Variants in WWOX observed in about 807,000 individuals in gnomAD.
The protein encoded by WWOX is WW domain-containing oxidoreductase.
A neutral mutation model predicts 46.2 loss-of-function variants in WWOX; 69 were observed. The observed-to-expected ratio is 1.49, with a 90% CI of 1.23 to 1.82. WWOX has a LOEUF of 1.82. WWOX is among the 40% of genes most tolerant of loss of function. WWOX has a pLI of 0.00. For synonymous variants in WWOX, 359 were observed against 202.6 expected (o/e 1.77, Z -6.56); for missense variants, 919 against 542.6 (o/e 1.69, Z -6.89).
At chr16:78,795,247 A>G (rs9927025) in intron 8 of WWOX, among the ~76,000 whole-genome samples, 1 of 152,076 alleles carries the variant, frequency 6.6e-6, no homozygotes, top group Middle Eastern at 3.2e-3. Flanking sequence ...CTCTTTCTAC[A>G]TGTAAGGAAA....
intron 5 of WWOX, among the ~76,000 whole-genome samples, chr16:78,284,420 G>A (rs1597443789): frequency 6.6e-6 from 1 of 152,224 alleles, no homozygotes; most frequent in East Asian, 1.9e-4. Flanking sequence ...GAAGTGGCAA[G>A]AGTTATCTTT....
chr16:78,558,673 G>C (rs1329112726), intron 8 of WWOX, among the ~76,000 whole-genome samples: 1 of 152,194 alleles, frequency 6.6e-6, no homozygotes, highest in African/African-American at 2.4e-5. Context: ...AGGTCTCCCT[G>C]ATTCCAGCCT....
intron 8 of WWOX, among the ~76,000 whole-genome samples, chr16:78,869,421 C>G (rs2044078040): frequency 6.6e-6 from 1 of 152,180 alleles, no homozygotes; most frequent in African/African-American, 2.4e-5. Flanking sequence ...TTGGCAATTG[C>G]CTGGACTACA....
intron 5 of WWOX, among the ~76,000 whole-genome samples, chr16:78,293,022 G>A (rs1156511547): frequency 6.6e-6 from 1 of 152,170 alleles, no homozygotes; most frequent in Non-Finnish European, 1.5e-5. Flanking sequence ...TTTGCTCTTG[G>A]AGCATTCTTG....
intron 8 of WWOX, among the ~76,000 whole-genome samples, chr16:78,614,200 C>G (rs1033717042): frequency 4.6e-5 from 7 of 152,188 alleles, no homozygotes; most frequent in Admixed American, 1.3e-4. Flanking sequence ...CTTTTGCCAT[C>G]AAATGGTTAT....
intron 5 of WWOX, among the ~76,000 whole-genome samples, chr16:78,313,319 G>A (rs4887952): frequency 0.24 from 36,680 of 152,150 alleles, 4,796 homozygotes; most frequent in East Asian, 0.34. Context: ...TAGAACGTCT[G>A]AACAGTGCTG....
chr16:78,612,648 T>A (rs2045928240), intron 8 of WWOX, among the ~76,000 whole-genome samples: 2 of 152,132 alleles, frequency 1.3e-5, no homozygotes, highest in Non-Finnish European at 2.9e-5. Context: ...TTTTTAATTT[T>A]AGTTTCTGTA....
chr16:78,937,457 T>TTTTC (rs1403460490), intron 8 of WWOX, among the ~76,000 whole-genome samples: 1 of 143,458 alleles, frequency 7.0e-6, no homozygotes, highest in Non-Finnish European at 1.5e-5. Flanking sequence ...ACTTTTTTTT[T>TTTTC]TTTTTTTTTT....
intron 8 of WWOX, among the ~76,000 whole-genome samples, chr16:78,767,423 C>T (rs572331493): frequency 6.6e-6 from 1 of 151,980 alleles, no homozygotes; most frequent in African/African-American, 2.4e-5. Flanking sequence ...CGCCACCACA[C>T]CTGCCACAAA....
At chr16:78,314,688 G>GTTTTTTTTT (rs375905643) in intron 5 of WWOX, among the ~76,000 whole-genome samples, 16 of 90,462 alleles carry the variant, frequency 1.8e-4, no homozygotes, top group East Asian at 1.2e-3. Context: ...CCCTGCAGGG[G>GTTTTTTTTT]TTTTTTTTTT....
intron 8 of WWOX, among the ~76,000 whole-genome samples, chr16:79,005,415 C>T (rs1342714080): frequency 2.0e-5 from 3 of 152,166 alleles, no homozygotes; most frequent in African/African-American, 4.8e-5. Flanking sequence ...AGGCGTGCCA[C>T]GTACTAGGTG....
At chr16:78,885,409 T>A (rs1597105347) in intron 8 of WWOX, among the ~76,000 whole-genome samples, 1 of 152,198 alleles carries the variant, frequency 6.6e-6, no homozygotes, top group East Asian at 1.9e-4. Flanking sequence ...GATAAATTAA[T>A]ATTGATTTGT....
intron 8 of WWOX, among the ~76,000 whole-genome samples, chr16:79,054,604 T>C (rs2048229016): frequency 6.6e-6 from 1 of 152,174 alleles, no homozygotes; most frequent in South Asian, 2.1e-4. Flanking sequence ...GGAAGATCCC[T>C]TGAGTCCAGG....
chr16:78,846,114 A>AGGTT (rs1289195126), intron 8 of WWOX, among the ~76,000 whole-genome samples: 1 of 152,174 alleles, frequency 6.6e-6, no homozygotes, highest in African/African-American at 2.4e-5. Context: ...ACCTTGGGAA[A>AGGTT]GGTTGGTTGG....
At chr16:78,728,010 AG>A (rs1244271749) in intron 8 of WWOX, among the ~76,000 whole-genome samples, 3 of 151,132 alleles carry the variant, frequency 2.0e-5, no homozygotes, top group Admixed American at 6.6e-5. Context: ...ACCTATTACA[AG>A]TGAACATAGA....
intron 8 of WWOX, among the ~76,000 whole-genome samples, chr16:78,894,199 A>G (rs1402778298): frequency 6.6e-6 from 1 of 151,984 alleles, no homozygotes; most frequent in Non-Finnish European, 1.5e-5. Flanking sequence ...TACTGTGGCA[A>G]TTGTTAATGT....
chr16:78,934,847 C>G (rs567967027), intron 8 of WWOX, among the ~76,000 whole-genome samples: 1 of 152,196 alleles, frequency 6.6e-6, no homozygotes, highest in Non-Finnish European at 1.5e-5. Flanking sequence ...CATCTATAAT[C>G]GCAGCACTTT....
intron 8 of WWOX, among the ~76,000 whole-genome samples, chr16:78,956,939 G>C (rs564790655): frequency 6.6e-6 from 1 of 152,312 alleles, no homozygotes; most frequent in South Asian, 2.1e-4. Flanking sequence ...TGTCACTTCT[G>C]AGTAGTTGCA....
intron 8 of WWOX, among the ~76,000 whole-genome samples, chr16:79,028,821 A>G (rs2656647): frequency 0.18 from 27,054 of 151,538 alleles, 3,095 homozygotes; most frequent in African/African-American, 0.29. Flanking sequence ...ATGGTTTTCC[A>G]ATCTTCAAAC....
Sources: gnomAD v4.1 joint callset for allele counts (sites outside exome capture counted in the v4.1 genomes callset) on GRCh38, gnomAD v4.1.1 for gene constraint, MANE v1.5 for transcripts, NCBI Gene and HGNC (gene_info 2026-07-23, HGNC 2026-07-21) for gene names.